SOX5: variants seen among roughly 807,000 people sequenced by gnomAD.
SOX5 encodes the protein SRY-box transcription factor 5, also known as transcription factor SOX-5.
In SOX5, 9 loss-of-function variants were observed where a neutral mutation model predicts 92.0. The ratio of observed to expected loss-of-function variants is 0.10; its 90% CI spans 0.06 to 0.17. The LOEUF (loss-of-function observed/expected upper bound fraction) is 0.17, where lower values mean the gene tolerates loss of function less well. SOX5 is among the 10% of genes least tolerant of loss of function. SOX5 has a pLI of 1.00. For synonymous variants in SOX5, 344 were observed against 336.3 expected, an observed-to-expected ratio of 1.02 and a Z score of -0.25; for missense variants, 642 against 944.5, an observed-to-expected ratio of 0.68 and a Z score of 4.20.
chr12:24,284,669 G>T (rs1945636431), intron 2 of SOX5, among the ~76,000 whole-genome samples: 1 of 152,092 alleles, frequency 6.6e-6, no homozygotes, highest in African/African-American at 2.4e-5. Flanking sequence ...AGGCTCACAT[G>T]GTTCCAGCTG....
At position 23,895,818 on chromosome 12, in the gene SOX5, G is replaced by A. The variant is rs1272835636; in HGVS notation, c.245C>T (p.Thr82Ile). Reference sequence around the variant, plus strand: ...CATTGTATTGTGCTGAGAAGTGGGAGTCCTATGGCCACAAGTCTCTTGCGT... The same window carrying A: ...CATTGTATTGTGCTGAGAAGTGGGAATCCTATGGCCACAAGTCTCTTGCGT... ...LLTQETCGHR[T>I]PTSQHNTMEV... Residue 82 changes from threonine (T) to isoleucine (I), a missense_variant, in exon 2 of 15, where the codon ACT (threonine) becomes ATT (isoleucine). Thr to Ile is a moderately conservative substitution (Grantham distance 89). Around this residue, in one of 8 missense-constraint regions of SOX5, gnomAD observed 113 missense variants for 117.7 expected, o/e 0.96. Transcript: ENST00000451604. 4 of 1,613,126 alleles carry A rather than the reference G, an allele frequency of 2.5e-6. No individual in the cohort carries two copies. The highest frequency in any genetic ancestry group is 3.4e-6 in the Non-Finnish European group (4 of 1,179,196).
intron 3 of SOX5, among the ~76,000 whole-genome samples, chr12:24,219,485 G>A (rs553901122): frequency 2.7e-4 from 41 of 151,882 alleles, no homozygotes; most frequent in Non-Finnish European, 2.1e-4. Flanking sequence ...AAATTTCAGC[G>A]ACATAAAATT....
chr12:24,489,851 G>C (rs760951423), intron 1 of SOX5, among the ~76,000 whole-genome samples: 4 of 152,134 alleles, frequency 2.6e-5, no homozygotes, highest in Non-Finnish European at 4.4e-5. Context: ...CATCAGCTGG[G>C]GCTGACTTTT....
At chr12:24,095,003 C>A (rs1461087322) in intron 4 of SOX5, among the ~76,000 whole-genome samples, 5 of 151,896 alleles carry the variant, frequency 3.3e-5, no homozygotes, top group African/African-American at 1.2e-4. Context: ...TACATCTTAT[C>A]CTTCTGGAAA....
intron 11 of SOX5, among the ~76,000 whole-genome samples, chr12:23,548,324 T>C (rs1402462391): frequency 6.6e-6 from 1 of 152,044 alleles, no homozygotes; most frequent in African/African-American, 2.4e-5. Flanking sequence ...TTAACAAATA[T>C]GAGCAGGAAA....
intron 4 of SOX5, among the ~76,000 whole-genome samples, chr12:24,096,194 T>C (rs984431882): frequency 6.6e-6 from 1 of 152,228 alleles, no homozygotes. Context: ...GGTATACATG[T>C]ACCGTGGTGG....
chr12:24,207,444 T>C (rs2139626710), intron 4 of SOX5, among the ~76,000 whole-genome samples: 2 of 152,066 alleles, frequency 1.3e-5, no homozygotes, highest in East Asian at 3.9e-4. Context: ...AGAGTAAGAC[T>C]CAGTAAGAAT....
At chr12:24,244,845 C>T (rs1020599655) in intron 3 of SOX5, among the ~76,000 whole-genome samples, 1 of 152,162 alleles carries the variant, frequency 6.6e-6, no homozygotes, top group Non-Finnish European at 1.5e-5. Flanking sequence ...GCATGCACCA[C>T]CACACCTGGC....
At chr12:23,726,125 GAGAGAGAGA>G (rs2093106093) in intron 6 of SOX5, among the ~76,000 whole-genome samples, 1 of 10,056 alleles carries the variant, frequency 9.9e-5, no homozygotes. Flanking sequence ...CCCCGAGAGA[GAGAGAGAGA>G]GAGAGAGAGA....
intron 2 of SOX5, among the ~76,000 whole-genome samples, chr12:24,364,101 T>A (rs2136201685): frequency 6.6e-6 from 1 of 152,274 alleles, no homozygotes; most frequent in East Asian, 1.9e-4. Context: ...GACCGAAGCT[T>A]TCAAGAGTCC....
chr12:24,227,783 T>C (rs945096317), intron 3 of SOX5: 9 of 152,222 alleles, frequency 5.9e-5, no homozygotes, highest in Non-Finnish European at 1.2e-4. Flanking sequence ...ACGGTATCCT[T>C]CGATGAGTAC....
At chr12:24,175,030 C>T (rs2139190126) in intron 4 of SOX5, among the ~76,000 whole-genome samples, 1 of 152,304 alleles carries the variant, frequency 6.6e-6, no homozygotes, top group East Asian at 1.9e-4. Flanking sequence ...CTTCACAGGG[C>T]CTTACCTCAA....
chr12:23,604,210 G>C (rs1474769633), intron 9 of SOX5, 177 bp downstream of exon 9: 9 of 586,462 alleles, frequency 1.5e-5, no homozygotes, highest in Non-Finnish European at 1.8e-5. Context: ...ATGAATAAAT[G>C]AATGATTCAA....
chr12:23,530,700 C>T lies in SOX5; in HGVS notation c.*3519G>A, dbSNP rs1938784498. On this transcript the variant is annotated 3_prime_UTR_variant, in exon 15 of 15. Transcript: ENST00000451604. ...ACTTTATTTTCTCCGGTAATGTTCTCTTAGATTCATATGAAAACAGGACTA... is the reference window on the plus strand; with the variant it reads ...ACTTTATTTTCTCCGGTAATGTTCTTTTAGATTCATATGAAAACAGGACTA... 1 of 151,986 alleles carries T rather than the reference C, an allele frequency of 6.6e-6. No homozygotes were observed. Among genetic ancestry groups the T allele is most frequent in the South Asian group, 2.1e-4 (1 of 4,812 alleles). The allele number at this position is 151,986 out of a possible 1,614,324, so 9.4% of individuals were successfully genotyped here.
intron 8 of SOX5, among the ~76,000 whole-genome samples, chr12:23,618,612 G>A (rs1413706870): frequency 6.6e-6 from 1 of 152,150 alleles, no homozygotes; most frequent in Non-Finnish European, 1.5e-5. Flanking sequence ...ACTACGATAT[G>A]TTAATCATTT....
chr12:23,598,981 G>A (rs1311397880), intron 9 of SOX5, among the ~76,000 whole-genome samples: 1 of 152,154 alleles, frequency 6.6e-6, no homozygotes, highest in Non-Finnish European at 1.5e-5. Context: ...TGGTGTGTAT[G>A]TGTACCACAA....
At chr12:24,560,741 C>G (rs183602822) in intron 1 of SOX5, among the ~76,000 whole-genome samples, 1 of 152,166 alleles carries the variant, frequency 6.6e-6, no homozygotes, top group Non-Finnish European at 1.5e-5. Flanking sequence ...ACTTGAAAAA[C>G]ATTTCCGTAT....
chr12:24,002,561 T>C (rs1456060647), intron 4 of SOX5, among the ~76,000 whole-genome samples: 2 of 152,078 alleles, frequency 1.3e-5, no homozygotes, highest in African/African-American at 4.8e-5. Context: ...ATTTTAAAAA[T>C]TGAATTAGTA....
intron 9 of SOX5, among the ~76,000 whole-genome samples, chr12:23,600,550 T>TATATATATATATACAC (rs1555191125): frequency 7.9e-6 from 1 of 126,818 alleles, no homozygotes; most frequent in South Asian, 2.6e-4. Flanking sequence ...TATATATATA[T>TATATATATATATACAC]ATACACATAC....
Sources: allele counts gnomAD v4.1 joint callset (sites outside exome capture counted in the v4.1 genomes callset), GRCh38; gene constraint gnomAD v4.1.1; regional missense constraint gnomAD v4.1.1; transcripts MANE v1.5; gene names NCBI Gene and HGNC (gene_info 2026-07-23, HGNC 2026-07-21).